The following SPATA31E1 variants were observed in gnomAD, a reference collection of about 807,000 sequenced individuals.
The protein encoded by SPATA31E1 is spermatogenesis-associated protein 31E1.
A neutral mutation model predicts 12.9 loss-of-function variants in SPATA31E1; 7 were observed. The ratio of observed to expected loss-of-function variants is 0.54; its 90% CI spans 0.31 to 1.02. The LOEUF (loss-of-function observed/expected upper bound fraction) is 1.02, where lower values mean the gene tolerates loss of function less well. Among genes scored for constraint, SPATA31E1 ranks in the 50% least tolerant of loss-of-function variants. The pLI, the probability that SPATA31E1 is intolerant of heterozygous loss-of-function variation, is 0.05. For missense variants in SPATA31E1, 1,961 were observed against 1,799.8 expected (o/e 1.09, Z -1.62); for synonymous variants, 771 against 719.0 (o/e 1.07, Z -1.16).
In SPATA31E1 at chr9:87,886,422, C is replaced by T. The variant is rs142037619; in HGVS notation, c.1935C>T (p.Ser645=). ...IHQEQSCGPP[S]RLQASGDLLQ... ...AGGAGCAGTCCTGTGGCCCTCCCAG[C>T]AGATTGCAGGCATCTGGGGACCTGC... Residue 645 remains serine (S), a synonymous_variant, in exon 4 of 4, where the codon AGC becomes AGT. Transcript: ENST00000325643. The T allele has an allele frequency of 1.9e-6, 3 of 1,613,940 alleles. No individual in the cohort carries two copies. The East Asian group carries it at 6.7e-5, about 36-fold the overall frequency.
In SPATA31E1 at chr9:87,883,119, A is replaced by C; in HGVS notation, c.228A>C (p.Leu76=). 1.9e-6 allele frequency: 3 copies of C among 1,604,128 alleles called. No homozygotes were observed. Among genetic ancestry groups the C allele is most frequent in the Middle Eastern group, 1.7e-4 (1 of 5,796 alleles). ...MDFILTSVCG[L]VLLFLLLLYV... is the part of the protein sequence containing the mutation. ...TCATCCTCACCAGTGTGTGTGGCCT[A>C]GTGCTCCTCTTCCTATTGCTCCTCT... is the stretch of plus-strand genomic sequence containing the variant. Residue 76 remains leucine (L), a synonymous_variant, in exon 1 of 4, where the codon CTA becomes CTC. Coordinates refer to ENST00000325643, the MANE Select transcript of SPATA31E1 (RefSeq NM_178828.5).
Position 87,888,183 on chromosome 9 carries a change from C to A in SPATA31E1, c.3696C>A (p.His1232Gln). 6.2e-7 allele frequency: 1 copy of A among 1,613,468 alleles called. No homozygotes were observed. The highest frequency in any genetic ancestry group is 8.5e-7 in the Non-Finnish European group (1 of 1,179,934). Residue 1232 changes from histidine (H) to glutamine (Q), a missense_variant, in exon 4 of 4, where the codon CAC becomes CAA. Physicochemically the swap from His to Gln is conservative, Grantham distance 24. Transcript: ENST00000325643. ...PRTSEASGRSHPAQAREIGDK... is the reference protein window; with the variant it reads ...PRTSEASGRSQPAQAREIGDK... ...CCTCTGAAGCCAGTGGGAGGAGCCA[C>A]CCTGCCCAAGCCAGGGAAATAGGAG...
rs1465675346 is a variant in SPATA31E1 at position 87,888,795 on chromosome 9, G to C, written c.4308G>C (p.Leu1436=). ...GCCCCCATCCACAGCTGCAGGAACT[G>C]ATGTCTGCACAGAGGTGTCTTGCCT... ...SGGPHPQLQE[L]MSAQRCLAS Residue 1436 remains leucine, a synonymous_variant, in exon 4 of 4, where the codon CTG becomes CTC. Transcript: ENST00000325643. 6.2e-7 allele frequency: 1 copy of C among 1,611,392 alleles called. No individual in the cohort carries two copies. The highest frequency in any genetic ancestry group is 1.7e-5 in the Admixed American group (1 of 59,976).
Position 87,884,659 on chromosome 9 carries a change from GCTTCC to G in SPATA31E1, c.425+10_425+14del. 6.2e-7 allele frequency: 1 copy of G among 1,614,132 alleles called. No homozygotes were observed. Among genetic ancestry groups the G allele is most frequent in the Non-Finnish European group, 8.5e-7 (1 of 1,179,978 alleles). ...GAACTACCTTCTGGAAAGGTGAGGA[GCTTCC>G]CCCTTCTGTCCCTGTCCTCCTTCCT... is the stretch of plus-strand genomic sequence containing the variant. On this transcript the variant is annotated intron_variant, in intron 3 of 3. Transcript: ENST00000325643.
chr9:87,887,416 C>G lies in SPATA31E1; in HGVS notation c.2929C>G (p.Leu977Val). 6.2e-7 allele frequency: 1 copy of G among 1,613,822 alleles called. No individual in the cohort carries two copies. The highest frequency in any genetic ancestry group is 1.1e-5 in the South Asian group (1 of 91,090). ...CAGAACCTGGCAGAGCAGGACTGTCCTGGAATCCGGGAAACCCAAACCCAG... is the reference window on the plus strand; with the variant it reads ...CAGAACCTGGCAGAGCAGGACTGTCGTGGAATCCGGGAAACCCAAACCCAG... ...VGRTWQSRTV[L>V]ESGKPKPRLE... The change falls in exon 4 of 4, where the codon CTG becomes GTG. Residue 977 changes from leucine to valine, a missense_variant. Physicochemically the swap from Leu to Val is conservative, Grantham distance 32 (BLOSUM62 1). Coordinates refer to ENST00000325643, the MANE Select transcript of SPATA31E1 (RefSeq NM_178828.5).
rs752389695 is a variant in SPATA31E1, at chr9:87,883,134, A to G, written c.243A>G (p.Leu81=). 6.3e-7 allele frequency: 1 copy of G among 1,599,932 alleles called. No homozygotes were observed. The highest frequency in any genetic ancestry group is 8.5e-7 in the Non-Finnish European group (1 of 1,172,624). Residue 81 remains leucine (L), a synonymous_variant, in exon 1 of 4, where the codon CTA becomes CTG. Coordinates refer to ENST00000325643, the MANE Select transcript of SPATA31E1 (RefSeq NM_178828.5). ...TSVCGLVLLF[L]LLLYVHSDPP... is the part of the protein sequence containing the mutation. Reference sequence around the variant, plus strand: ...TGTGTGGCCTAGTGCTCCTCTTCCTATTGCTCCTCTACGTCCACAGTGACC... The same window carrying G: ...TGTGTGGCCTAGTGCTCCTCTTCCTGTTGCTCCTCTACGTCCACAGTGACC...
rs536605501 is a variant in SPATA31E1, at chr9:87,885,552, A to G, written c.1065A>G (p.Thr355=). 6.2e-7 allele frequency: 1 copy of G among 1,614,198 alleles called. No homozygotes were observed. Among genetic ancestry groups the G allele is most frequent in the African/African-American group, 1.3e-5 (1 of 75,068 alleles). ...TPKHMEVGGC[T]FIHPDVQKLL... is the part of the protein sequence containing the mutation. ...AGCACATGGAGGTAGGTGGCTGCACATTCATCCACCCTGACGTGCAGAAGC... is the reference window on the plus strand; with the variant it reads ...AGCACATGGAGGTAGGTGGCTGCACGTTCATCCACCCTGACGTGCAGAAGC... Residue 355 remains threonine, a synonymous_variant, in exon 4 of 4, where the codon ACA becomes ACG. Coordinates refer to ENST00000325643, the MANE Select transcript of SPATA31E1 (RefSeq NM_178828.5).
rs376851833 is a variant in SPATA31E1, at chr9:87,885,968, C to T, written c.1481C>T (p.Pro494Leu). Residue 494 changes from proline to leucine, a missense_variant, in exon 4 of 4, where the codon CCG (proline) becomes CTG (leucine). Coordinates refer to ENST00000325643, the MANE Select transcript of SPATA31E1 (RefSeq NM_178828.5). ...VEASSQLSQA[P>L]PQPHHMAQPQ... ...GCATCCTCACAGCTTTCCCAGGCAC[C>T]GCCCCAGCCCCACCACATGGCCCAG... 2.2e-5 allele frequency: 35 copies of T among 1,613,464 alleles called. No individual in the cohort carries two copies. The African/African-American group carries it at 2.3e-4, about 10-fold the overall frequency.
At position 87,884,943 on chromosome 9, in the gene SPATA31E1, C is replaced by T. The variant is rs1474699938; in HGVS notation, c.456C>T (p.Ser152=). 1 of 1,611,938 alleles carries T rather than the reference C, an allele frequency of 6.2e-7. No homozygotes were observed. Among genetic ancestry groups the T allele is most frequent in the South Asian group, 1.1e-5 (1 of 90,910 alleles). ...SHLRKLAGEG[S]SHLPLGGDPL... The stretch of plus-strand genomic sequence containing the variant: ...TGAGGAAGCTCGCTGGCGAAGGCAG[C>T]TCCCACCTGCCCTTAGGTGGAGACC... The change falls in exon 4 of 4, where the codon AGC becomes AGT. Residue 152 remains serine (S), a synonymous_variant. Transcript: ENST00000325643.
Position 87,886,149 on chromosome 9 carries a change from G to A in SPATA31E1, c.1662G>A (p.Glu554=), listed in dbSNP as rs748020509. Residue 554 remains glutamate (E), a synonymous_variant, in exon 4 of 4, where the codon GAG becomes GAA. Coordinates refer to ENST00000325643, the MANE Select transcript of SPATA31E1 (RefSeq NM_178828.5). ...GGGCATCTTACCCTACATCCCAGGAGAGGACACAGTCTGTCATCCCCACTG... is the reference window on the plus strand; with the variant it reads ...GGGCATCTTACCCTACATCCCAGGAAAGGACACAGTCTGTCATCCCCACTG... ...GCGASYPTSQ[E]RTQSVIPTGK... 36 of 1,604,236 alleles carry A rather than the reference G, an allele frequency of 2.2e-5. No homozygotes were observed. Among genetic ancestry groups the A allele is most frequent in the African/African-American group, 2.7e-5 (2 of 74,874 alleles).
rs754867080 is a variant in SPATA31E1 at position 87,888,496 on chromosome 9, C to T, written c.4009C>T (p.Arg1337Ter). The T allele has an allele frequency of 4.3e-6, 7 of 1,614,032 alleles. No homozygotes were observed. In the East Asian group the frequency reaches 6.7e-5, roughly 15 times the overall value. Residue 1337 changes from arginine (R) to a stop codon, truncating the protein, a stop_gained, in exon 4 of 4, where the codon CGA becomes TGA. Transcript: ENST00000325643. LOFTEE classifies it low-confidence loss of function (END_TRUNC). ...LVDKLGLQWG[R>*]GPSEVNRHKG... is the part of the protein sequence containing the mutation. ...GGACAAACTGGGGCTTCAGTGGGGA[C>T]GAGGTCCCTCAGAGGTCAATCGCCA...
At position 87,887,564 on chromosome 9, in the gene SPATA31E1, G is replaced by T; in HGVS notation, c.3077G>T (p.Trp1026Leu). The change falls in exon 4 of 4, where the codon TGG (tryptophan) becomes TTG (leucine). Residue 1026 changes from tryptophan to leucine, a missense_variant. By Grantham distance (61) the Trp-to-Leu change is moderately conservative (BLOSUM62 -2). Coordinates refer to ENST00000325643, the MANE Select transcript of SPATA31E1 (RefSeq NM_178828.5). The part of the protein sequence containing the change: ...ALQVLSIGSQ[W>L]ARAEDALQAL... ...CAAGTGCTCAGCATAGGGTCCCAGTGGGCAAGGGCTGAAGATGCCCTGCAG... is the reference window on the plus strand; with the variant it reads ...CAAGTGCTCAGCATAGGGTCCCAGTTGGCAAGGGCTGAAGATGCCCTGCAG... 6.2e-7 allele frequency: 1 copy of T among 1,614,116 alleles called. No individual in the cohort carries two copies. Among genetic ancestry groups the T allele is most frequent in the Non-Finnish European group, 8.5e-7 (1 of 1,180,032 alleles).
chr9:87,884,730 T>C (rs1052811969), intron 3 of SPATA31E1, 79 bp downstream of exon 3: 25 of 1,582,242 alleles, frequency 1.6e-5, no homozygotes, highest in Non-Finnish European at 2.0e-5. Flanking sequence ...GGTGGTGATC[T>C]GGGAGGGGGA....
intron 2 of SPATA31E1, 44 bp from the exon 3 acceptor site, chr9:87,884,547 C>T (rs748367549): frequency 6.2e-7 from 1 of 1,610,688 alleles, no homozygotes; most frequent in African/African-American, 1.3e-5. Context: ...ATGAGGTTCC[C>T]AGGCACCGCC....
Position 87,888,318 on chromosome 9 carries a change from G to T in SPATA31E1, c.3831G>T (p.Arg1277Ser). The T allele has an allele frequency of 6.2e-7, 1 of 1,614,208 alleles. No individual in the cohort carries two copies. ...ACCATCCACAGGGTCTACACCCCAG[G>T]AAAGGAGGCACACGGTGGGAAGATG... ...ISHHPQGLHP[R>S]KGGTRWEDVL... The change falls in exon 4 of 4, where the codon AGG (arginine) becomes AGT (serine). Residue 1277 changes from arginine (R) to serine (S), a missense_variant. By Grantham distance (110) the Arg-to-Ser change is moderately radical. Coordinates refer to ENST00000325643, the MANE Select transcript of SPATA31E1 (RefSeq NM_178828.5).
chr9:87,884,228 C>T (rs1008473227), intron 2 of SPATA31E1, among the ~76,000 whole-genome samples, 182 bp downstream of exon 2: 2 of 152,222 alleles, frequency 1.3e-5, no homozygotes, highest in East Asian at 1.9e-4. Flanking sequence ...CATAAGGGGG[C>T]GGTGTGGGGA....
chr9:87,886,162 G>A lies in SPATA31E1; in HGVS notation c.1675G>A (p.Val559Ile). The A allele has an allele frequency of 6.2e-7, 1 of 1,605,694 alleles. No individual in the cohort carries two copies. Among genetic ancestry groups the A allele is most frequent in the South Asian group, 1.1e-5 (1 of 89,948 alleles). ...TACATCCCAGGAGAGGACACAGTCT[G>A]TCATCCCCACTGGAAAGGAGTATCT... ...YPTSQERTQS[V>I]IPTGKEYLEW... The change falls in exon 4 of 4, where the codon GTC becomes ATC. Residue 559 changes from valine (V) to isoleucine (I), a missense_variant. Physicochemically the swap from Val to Ile is conservative, Grantham distance 29. Transcript: ENST00000325643.
rs752269841 is a variant in SPATA31E1 at position 87,888,574 on chromosome 9, C to G, written c.4087C>G (p.His1363Asp). The change falls in exon 4 of 4, where the codon CAC becomes GAC. Residue 1363 changes from histidine (H) to aspartate (D), a missense_variant. Coordinates refer to ENST00000325643, the MANE Select transcript of SPATA31E1 (RefSeq NM_178828.5). Reference protein sequence around the residue: ...ENVPSCCHRGHCHQERSREMR... With the variant: ...ENVPSCCHRGDCHQERSREMR... ...TGTGCCTTCCTGCTGCCACAGGGGT[C>G]ACTGCCACCAAGAACGTAGCAGAGA... 6.2e-7 allele frequency: 1 copy of G among 1,614,142 alleles called. No individual in the cohort carries two copies. The highest frequency in any genetic ancestry group is 8.5e-7 in the Non-Finnish European group (1 of 1,180,028).
chr9:87,885,414 G>C lies in SPATA31E1; in HGVS notation c.927G>C (p.Trp309Cys), dbSNP rs759152036. Residue 309 changes from tryptophan (W) to cysteine (C), a missense_variant, in exon 4 of 4, where the codon TGG (tryptophan) becomes TGC (cysteine). Physicochemically the swap from Trp to Cys is radical, Grantham distance 215 (BLOSUM62 -2). Transcript: ENST00000325643. ...SSDPIWDLYC[W>C]REAATTWGLS... ...ATCCCATCTGGGACCTCTATTGCTG[G>C]AGGGAGGCTGCCACCACCTGGGGCC... is the stretch of plus-strand genomic sequence containing the variant. The C allele has an allele frequency of 1.9e-6, 3 of 1,613,986 alleles. No homozygotes were observed. Among genetic ancestry groups the C allele is most frequent in the East Asian group, 4.5e-5 (2 of 44,836 alleles).
Sources: gnomAD v4.1 joint callset for allele counts (sites outside exome capture counted in the v4.1 genomes callset) on GRCh38, gnomAD v4.1.1 for gene constraint, MANE v1.5 for transcripts, NCBI Gene and HGNC (gene_info 2026-07-23, HGNC 2026-07-21) for gene names.